The following SMYD3 variants were observed in gnomAD, a reference collection of about 807,000 sequenced individuals.
SMYD3 encodes the protein SET and MYND domain containing 3.
A neutral mutation model predicts 57.7 loss-of-function variants in SMYD3; 36 were observed. The ratio of observed to expected loss-of-function variants is 0.62; its 90% confidence interval spans 0.48 to 0.82. SMYD3 has a LOEUF of 0.82. Ranked by LOEUF, SMYD3 falls within the 40% of genes least tolerant of loss-of-function variation. The pLI is 0.00. For synonymous variants in SMYD3, 211 were observed against 195.0 expected (o/e 1.08, Z -0.68); for missense variants, 515 against 538.8 (o/e 0.96, Z 0.44).
chr1:246,465,870 C>T (rs2067874519), intron 1 of SMYD3, among the ~76,000 whole-genome samples: 1 of 152,172 alleles, frequency 6.6e-6, no homozygotes, highest in Non-Finnish European at 1.5e-5. Flanking sequence ...CTCCTGGGTT[C>T]AAGCAATTCT....
At chr1:246,438,106 A>T (rs1049350932) in intron 1 of SMYD3, among the ~76,000 whole-genome samples, 3 of 152,212 alleles carry the variant, frequency 2.0e-5, no homozygotes, top group African/African-American at 7.2e-5. Context: ...CAGCTCATTG[A>T]TCTTTCCCAT....
chr1:245,840,663 C>T (rs986968077), intron 10 of SMYD3, among the ~76,000 whole-genome samples: 21 of 152,074 alleles, frequency 1.4e-4, no homozygotes, highest in African/African-American at 4.8e-4. Flanking sequence ...GAATGGACCA[C>T]TTCTTCAGTT....
chr1:246,073,839 C>G (rs1044663590), intron 5 of SMYD3, among the ~76,000 whole-genome samples: 1 of 152,106 alleles, frequency 6.6e-6, no homozygotes, highest in Non-Finnish European at 1.5e-5. Context: ...CATAGAGGTA[C>G]TGGAAAGCAC....
Position 246,395,095 on chromosome 1 carries a change from T to C in SMYD3, c.165-40001A>G, listed in dbSNP as rs535265999. Among the ~76,000 whole-genome samples the C allele has an allele frequency of 3.3e-5, 5 of 152,352 alleles. No homozygotes were observed. The East Asian group carries it at 9.6e-4, about 29-fold the overall frequency. On this transcript the variant is annotated intron_variant, in intron 1 of 11. Coordinates refer to ENST00000490107, the MANE Select transcript of SMYD3 (RefSeq NM_001167740.2). ...CTGAACCTAGCTATGCTTTATGATA[T>C]AAGAGAGGCAATTCGGTCACTTGTT...
At chr1:246,378,775 T>TATA (rs2066330786) in intron 1 of SMYD3, among the ~76,000 whole-genome samples, 1 of 112,464 alleles carries the variant, frequency 8.9e-6, no homozygotes, top group Admixed American at 1.2e-4. Flanking sequence ...TTATATATAA[T>TATA]TTAATATATT....
chr1:245,853,407 C>T (rs935688317), intron 10 of SMYD3, among the ~76,000 whole-genome samples: 2 of 152,192 alleles, frequency 1.3e-5, no homozygotes, highest in Admixed American at 1.3e-4. Context: ...CCAAAGCAAG[C>T]GCTGGGTATG....
chr1:246,466,763 A>C (rs1035815219), intron 1 of SMYD3, among the ~76,000 whole-genome samples: 1 of 152,188 alleles, frequency 6.6e-6, no homozygotes, highest in South Asian at 2.1e-4. Flanking sequence ...GGGGAGGATC[A>C]CTTGAGCCCG....
chr1:245,944,029 T>C (rs1366649890), intron 5 of SMYD3, among the ~76,000 whole-genome samples: 1 of 152,032 alleles, frequency 6.6e-6, no homozygotes, highest in East Asian at 1.9e-4. Context: ...ACCCAGCCAA[T>C]GTCATACTGA....
chr1:246,161,265 T>G (rs2062114885), intron 5 of SMYD3, among the ~76,000 whole-genome samples: 1 of 152,166 alleles, frequency 6.6e-6, no homozygotes, highest in African/African-American at 2.4e-5. Flanking sequence ...AGAGGCTTCT[T>G]CTCCGGGGCC....
intron 1 of SMYD3, among the ~76,000 whole-genome samples, chr1:246,463,449 A>C (rs1236687001): frequency 6.6e-6 from 1 of 151,948 alleles, no homozygotes; most frequent in East Asian, 1.9e-4. Context: ...GAAGATTGAG[A>C]ATACTGTTTT....
intron 8 of SMYD3, among the ~76,000 whole-genome samples, chr1:245,869,523 G>A (rs752424935): frequency 2.6e-4 from 39 of 151,964 alleles, no homozygotes; most frequent in African/African-American, 7.3e-4. Flanking sequence ...GCACAGCCCC[G>A]GAGAAGTCCT....
At chr1:245,925,995 G>C (rs1414905518) in intron 7 of SMYD3, among the ~76,000 whole-genome samples, 4 of 152,200 alleles carry the variant, frequency 2.6e-5, no homozygotes, top group Admixed American at 1.3e-4. Flanking sequence ...CAGTTCTGGA[G>C]TCTGGGAAGC....
chr1:246,061,354 G>A (rs916983950), intron 5 of SMYD3, among the ~76,000 whole-genome samples: 26 of 152,150 alleles, frequency 1.7e-4, no homozygotes, highest in African/African-American at 5.6e-4. Context: ...TGGAAAAAAT[G>A]TGCTGATAGA....
chr1:246,021,756 T>C (rs967227536), intron 5 of SMYD3, among the ~76,000 whole-genome samples: 3 of 152,230 alleles, frequency 2.0e-5, no homozygotes, highest in Admixed American at 1.3e-4. Flanking sequence ...AGCAAGTTTT[T>C]TGTTTGTATA....
intron 5 of SMYD3, among the ~76,000 whole-genome samples, chr1:246,181,048 C>T (rs2062543522): frequency 6.6e-6 from 1 of 152,122 alleles, no homozygotes; most frequent in African/African-American, 2.4e-5. Context: ...AAATTACTAT[C>T]ATTCATCTCT....
At chr1:246,347,442 T>C (rs1044152868) in intron 2 of SMYD3, among the ~76,000 whole-genome samples, 6 of 152,212 alleles carry the variant, frequency 3.9e-5, no homozygotes, top group African/African-American at 1.4e-4. Context: ...CAGATTTTTA[T>C]AGCTAAAGAT....
chr1:245,966,219 T>A (rs1255667708), intron 5 of SMYD3, among the ~76,000 whole-genome samples: 1 of 152,182 alleles, frequency 6.6e-6, no homozygotes, highest in Non-Finnish European at 1.5e-5. Flanking sequence ...TTGCCCAGCC[T>A]GAAGTACAGT....
At chr1:246,238,835 CT>C (rs2063553412) in intron 5 of SMYD3, among the ~76,000 whole-genome samples, 1 of 150,064 alleles carries the variant, frequency 6.7e-6, no homozygotes, top group Admixed American at 6.6e-5. Context: ...TGCCTTCTTA[CT>C]TAACAAATAG....
At chr1:246,229,897 A>G (rs77743749) in intron 5 of SMYD3, among the ~76,000 whole-genome samples, 3,633 of 152,326 alleles carry the variant, frequency 0.024, 146 homozygotes, top group African/African-American at 0.082. Context: ...ATGGCAAGAT[A>G]CTAGAAGTAT....
Sources: allele counts gnomAD v4.1 joint callset (sites outside exome capture counted in the v4.1 genomes callset), GRCh38; gene constraint gnomAD v4.1.1; transcripts MANE v1.5; gene names NCBI Gene and HGNC (gene_info 2026-07-23, HGNC 2026-07-21).